SMOC2: variants seen among roughly 807,000 people sequenced by gnomAD.
The protein encoded by SMOC2 is SPARC-related modular calcium-binding protein 2.
In SMOC2, 39 loss-of-function variants were observed where a neutral mutation model predicts 61.4. The ratio of observed to expected loss-of-function variants is 0.64; its 90% confidence interval spans 0.49 to 0.83. The LOEUF is 0.83. Among genes scored for constraint, SMOC2 ranks in the 40% least tolerant of loss-of-function variants. SMOC2 has a pLI of 0.00. For missense variants in SMOC2, 556 were observed against 592.9 expected, an observed-to-expected ratio of 0.94 and a Z score of 0.65; for synonymous variants, 247 against 239.9, an observed-to-expected ratio of 1.03 and a Z score of -0.27.
At position 168,636,880 on chromosome 6, in the gene SMOC2, CTCCCTCCTCCCACCTCCCTCCTGCCCGCA is replaced by C. The variant is rs1323015094; in HGVS notation, c.908-13789_908-13761del. ...CCTCCTCCCGCCTCCCTCCTCCCGCCTCCCTCCTCCCACCTCCCTCCTGCCCGCATCCCTCCTCCCTCCTCCCCCCTCCC... is the reference window on the plus strand; with the variant it reads ...CCTCCTCCCGCCTCCCTCCTCCCGCCTCCCTCCTCCCTCCTCCCCCCTCCC... On this transcript the variant is annotated intron_variant, in intron 9 of 12. Coordinates refer to ENST00000356284, the MANE Select transcript of SMOC2 (RefSeq NM_001166412.2). Among the ~76,000 whole-genome samples, 1,124 of 135,074 alleles carry C rather than the reference CTCCCTCCTCCCACCTCCCTCCTGCCCGCA, an allele frequency of 8.3e-3. 24 individuals carry two copies. The highest frequency in any genetic ancestry group is 0.03 in the African/African-American group (1,064 of 35,688). 88.6% of individuals were successfully genotyped at this position (135,074 alleles called of 152,430 possible).
chr6:168,484,307 TACAC>T (rs1417168902), intron 1 of SMOC2, among the ~76,000 whole-genome samples: 2 of 152,066 alleles, frequency 1.3e-5, no homozygotes, highest in African/African-American at 2.4e-5. Context: ...AAAAAAAAGA[TACAC>T]AAATAGCCAC....
rs540215523 is a variant in SMOC2, at chr6:168,592,640, C to G, written c.638-6178C>G. 5.7e-5 allele frequency among the ~76,000 whole-genome samples: 8 copies of G among 139,658 alleles called. 1 individual carries two copies. Among genetic ancestry groups the G allele is most frequent in the Non-Finnish European group, 1.1e-4 (7 of 64,702 alleles). The allele number at this position is 139,658 out of a possible 152,430, so 91.6% of individuals were successfully genotyped here. A position where few individuals can be genotyped will look rare whatever the true frequency, so the allele number is the denominator to read the frequency against. On this transcript the variant is annotated intron_variant, in intron 7 of 12. Coordinates refer to ENST00000356284, the MANE Select transcript of SMOC2 (RefSeq NM_001166412.2). ...TTCCTGAGGCTTCACGGGCATCTTT[C>G]TAGAGGATCGCTGAGCTCCTCCTCC... is the stretch of plus-strand genomic sequence containing the variant.
chr6:168,656,862 T>C (rs1297510655), intron 11 of SMOC2, among the ~76,000 whole-genome samples: 1 of 152,260 alleles, frequency 6.6e-6, no homozygotes, highest in Non-Finnish European at 1.5e-5. Context: ...GTCCTGATGA[T>C]GTCTTCACGG....
At chr6:168,450,727 C>T (rs1781441716) in intron 1 of SMOC2, among the ~76,000 whole-genome samples, 1 of 152,126 alleles carries the variant, frequency 6.6e-6, no homozygotes, top group Non-Finnish European at 1.5e-5. Flanking sequence ...TCATTGATAT[C>T]CTTTTAAGAA....
chr6:168,460,559 C>T (rs1161577527), intron 1 of SMOC2, among the ~76,000 whole-genome samples: 1 of 152,192 alleles, frequency 6.6e-6, no homozygotes, highest in Admixed American at 6.5e-5. Context: ...GGTCTGCCCA[C>T]CCAAATCCTG....
chr6:168,512,374 A>C (rs1029061235), intron 2 of SMOC2, among the ~76,000 whole-genome samples: 12 of 152,170 alleles, frequency 7.9e-5, no homozygotes, highest in South Asian at 4.1e-4. Context: ...CAGCGTCACC[A>C]GCACGATTGC....
chr6:168,508,519 G>A (rs1369592989), intron 1 of SMOC2, among the ~76,000 whole-genome samples: 1 of 152,208 alleles, frequency 6.6e-6, no homozygotes, highest in African/African-American at 2.4e-5. Flanking sequence ...CTGATTAGCT[G>A]GGCAAAGCTA....
intron 1 of SMOC2, among the ~76,000 whole-genome samples, chr6:168,470,232 T>G (rs73270977): frequency 0.038 from 5,802 of 152,334 alleles, 345 homozygotes; most frequent in African/African-American, 0.13. Context: ...CCAGTATCAG[T>G]CTCTGCTGTG....
chr6:168,508,885 C>T (rs985061125), intron 1 of SMOC2, among the ~76,000 whole-genome samples: 1 of 151,762 alleles, frequency 6.6e-6, no homozygotes, highest in African/African-American at 2.4e-5. Flanking sequence ...AATGCATTGT[C>T]TATGCTCTGA....
At chr6:168,623,697 C>T (rs953252922) in intron 9 of SMOC2, among the ~76,000 whole-genome samples, 13 of 152,058 alleles carry the variant, frequency 8.5e-5, no homozygotes, top group African/African-American at 2.4e-4. Flanking sequence ...GTAATCCCAG[C>T]GACTCAGGAA....
chr6:168,452,947 C>G lies in SMOC2; in HGVS notation c.84+11493C>G, dbSNP rs537740101. Among the ~76,000 whole-genome samples, 124 of 152,288 alleles carry G rather than the reference C, an allele frequency of 8.1e-4. 4 individuals carry two copies. The South Asian group carries it at 0.025, about 31-fold the overall frequency. ...TTCCTCTGGGCTCCACGCAGGACCC[C>G]CTTCTCCCAGTGGCTCTGACAGCAG... On this transcript the variant is annotated intron_variant, in intron 1 of 12. Coordinates refer to ENST00000356284, the MANE Select transcript of SMOC2 (RefSeq NM_001166412.2). The surrounding 1 kb of genome is among the most constrained non-coding windows in gnomAD (Gnocchi z 5.0).
At chr6:168,539,198 T>C (rs1583093247) in intron 4 of SMOC2, among the ~76,000 whole-genome samples, 3 of 152,146 alleles carry the variant, frequency 2.0e-5, no homozygotes, top group African/African-American at 7.2e-5. Flanking sequence ...CTCCCCTGAT[T>C]TTATATATTC....
At chr6:168,486,357 A>G (rs1443118247) in intron 1 of SMOC2, among the ~76,000 whole-genome samples, 2 of 152,118 alleles carry the variant, frequency 1.3e-5, no homozygotes, top group African/African-American at 4.8e-5. Context: ...TACACACTCT[A>G]CACTGCTTCA....
intron 8 of SMOC2, among the ~76,000 whole-genome samples, chr6:168,601,104 G>T (rs1012569734): frequency 2.0e-5 from 3 of 152,362 alleles, no homozygotes; most frequent in East Asian, 1.9e-4. Context: ...GCATTTGGAC[G>T]CTTCCTAAAC....
chr6:168,475,702 C>T lies in SMOC2; in HGVS notation c.85-34213C>T, dbSNP rs535413881. On this transcript the variant is annotated intron_variant, in intron 1 of 12. Coordinates refer to ENST00000356284, the MANE Select transcript of SMOC2 (RefSeq NM_001166412.2). The surrounding 1 kb of genome is among the most constrained non-coding windows in gnomAD (Gnocchi z 4.6). ...GGCCCAGGGAGGCCACGTGTGAGAC[C>T]TGGTGTGGGTCGAGGACACTGCTCG... Among the ~76,000 whole-genome samples, 10 of 152,200 alleles carry T rather than the reference C, an allele frequency of 6.6e-5. No homozygotes were observed. Among genetic ancestry groups the T allele is most frequent in the African/African-American group, 2.2e-4 (9 of 41,556 alleles).
intron 1 of SMOC2, among the ~76,000 whole-genome samples, chr6:168,498,420 G>A (rs948215721): frequency 3.3e-5 from 5 of 152,240 alleles, no homozygotes; most frequent in Non-Finnish European, 7.3e-5. Context: ...GAGAGGGAAA[G>A]AGTGGCTGTC....
In SMOC2 at chr6:168,641,034, C is replaced by T. The variant is rs191601201; in HGVS notation, c.908-9647C>T. 1.7e-3 allele frequency among the ~76,000 whole-genome samples: 251 copies of T among 150,100 alleles called. 1 individual carries two copies. The highest frequency in any genetic ancestry group is 5.8e-3 in the African/African-American group (238 of 41,024). On this transcript the variant is annotated intron_variant, in intron 9 of 12. Coordinates refer to ENST00000356284, the MANE Select transcript of SMOC2 (RefSeq NM_001166412.2). ...AGTTCTCCTTAAGAATTTCATTGTC[C>T]GTTGGAAATGTTCCAAACTTTTTTT...
At position 168,632,375 on chromosome 6, in the gene SMOC2, G is replaced by A. The variant is rs566882391; in HGVS notation, c.908-18306G>A. 7.9e-5 allele frequency among the ~76,000 whole-genome samples: 12 copies of A among 152,272 alleles called. No individual in the cohort carries two copies. The South Asian group carries it at 2.5e-3, about 32-fold the overall frequency. On this transcript the variant is annotated intron_variant, in intron 9 of 12. Coordinates refer to ENST00000356284, the MANE Select transcript of SMOC2 (RefSeq NM_001166412.2). ...TTTGACAAATTTTTGTGAGATAATT[G>A]CCTTTAAAAGTACAAAACCAGAAAC...
At chr6:168,545,372 G>C (rs1783969580) in intron 5 of SMOC2, among the ~76,000 whole-genome samples, 1 of 152,184 alleles carries the variant, frequency 6.6e-6, no homozygotes, top group African/African-American at 2.4e-5. Context: ...TTAAGCAACA[G>C]AGCTGGTTTC....
Sources: gnomAD v4.1 joint callset for allele counts (sites outside exome capture counted in the v4.1 genomes callset) on GRCh38, gnomAD v4.1.1 for gene constraint, Gnocchi (gnomAD v3.1) non-coding constraint, MANE v1.5 for transcripts, NCBI Gene and HGNC (gene_info 2026-07-23, HGNC 2026-07-21) for gene names.